Variants in NRG1 observed in about 807,000 individuals in gnomAD.
NRG1 encodes neuregulin 1, also known as pro-neuregulin-1, membrane-bound isoform.
NRG1 carries 18 observed loss-of-function variants against 63.8 expected under a neutral mutation model. The ratio of observed to expected loss-of-function variants is 0.28; its 90% CI spans 0.19 to 0.42. The LOEUF (loss-of-function observed/expected upper bound fraction) is 0.42. Ranked by LOEUF, NRG1 falls within the 10% of genes least tolerant of loss-of-function variation. The pLI, the probability that NRG1 is intolerant of heterozygous loss-of-function variation, is 1.00. For missense variants in NRG1, 762 were observed against 814.7 expected, an observed-to-expected ratio of 0.94 and a Z score of 0.79; for synonymous variants, 302 against 301.3, an observed-to-expected ratio of 1.00 and a Z score of -0.02.
chr8:31,859,986 T>C (rs1323286815), intron 1 of NRG1, among the ~76,000 whole-genome samples: 1 of 152,190 alleles, frequency 6.6e-6, no homozygotes, highest in South Asian at 2.1e-4. Context: ...AAACCATGCC[T>C]AGGAAAACAA....
At chr8:31,922,637 A>G (rs904935238) in intron 1 of NRG1, among the ~76,000 whole-genome samples, 1 of 152,188 alleles carries the variant, frequency 6.6e-6, no homozygotes, top group African/African-American at 2.4e-5. Flanking sequence ...AAAGAGGAAA[A>G]TGAGAGTCTG....
exon 12 of NRG1, chr8:32,763,896 G>A (rs1336971623): frequency 1.9e-6 from 3 of 1,613,944 alleles, no homozygotes; most frequent in Non-Finnish European, 2.5e-6. Context: ...CCCCTTCATG[G>A]AAGAAGAGAG....
At chr8:31,660,449 C>T (rs1805873560) in intron 1 of NRG1, among the ~76,000 whole-genome samples, 1 of 152,152 alleles carries the variant, frequency 6.6e-6, no homozygotes. Flanking sequence ...TTTTGTTTGC[C>T]GAGTATGTTA....
intron 5 of NRG1, among the ~76,000 whole-genome samples, chr8:32,617,342 A>G (rs1297971782): frequency 6.6e-6 from 1 of 152,250 alleles, no homozygotes; most frequent in South Asian, 2.1e-4. Context: ...CTATATATAG[A>G]TGCCCTTAAT....
At chr8:32,580,544 G>A (rs1840451778) in intron 1 of NRG1, among the ~76,000 whole-genome samples, 2 of 152,106 alleles carry the variant, frequency 1.3e-5, no homozygotes, top group South Asian at 4.1e-4. Flanking sequence ...CATTTTAGTA[G>A]CCCTATGAGA....
At chr8:32,447,231 G>C (rs1820378025) in intron 1 of NRG1, among the ~76,000 whole-genome samples, 1 of 151,562 alleles carries the variant, frequency 6.6e-6, no homozygotes, top group Admixed American at 6.6e-5. Context: ...CACTATGTTG[G>C]CCAGGCTGGT....
At chr8:31,775,576 T>G (rs1218774273) in intron 1 of NRG1, among the ~76,000 whole-genome samples, 1 of 152,058 alleles carries the variant, frequency 6.6e-6, no homozygotes, top group Non-Finnish European at 1.5e-5. Context: ...TACTTGTACC[T>G]CTTAAATATA....
At chr8:32,375,336 A>G (rs544744286) in intron 1 of NRG1, among the ~76,000 whole-genome samples, 44 of 152,306 alleles carry the variant, frequency 2.9e-4, no homozygotes, top group Non-Finnish European at 5.6e-4. Context: ...AAATAAGTTT[A>G]AGAGATAAGT....
At chr8:32,192,405 G>A (rs927359777) in intron 1 of NRG1, among the ~76,000 whole-genome samples, 8 of 152,090 alleles carry the variant, frequency 5.3e-5, no homozygotes, top group South Asian at 2.1e-4. Flanking sequence ...ATACTACGCA[G>A]CCATACAAAA....
intron 1 of NRG1, among the ~76,000 whole-genome samples, chr8:31,930,276 T>G (rs1484361527): frequency 2.0e-5 from 3 of 152,200 alleles, no homozygotes; most frequent in Non-Finnish European, 4.4e-5. Context: ...AAATGTATTA[T>G]CTATTGAAAA....
chr8:32,284,473 GCCTC>G (rs1276944654), intron 1 of NRG1, among the ~76,000 whole-genome samples: 15 of 139,126 alleles, frequency 1.1e-4, no homozygotes, highest in African/African-American at 3.7e-4. Flanking sequence ...AATAATGCTT[GCCTC>G]CCTGCCTGCC....
At chr8:32,472,912 A>G (rs1002877795) in intron 1 of NRG1, among the ~76,000 whole-genome samples, 13 of 152,216 alleles carry the variant, frequency 8.5e-5, no homozygotes, top group African/African-American at 2.9e-4. Context: ...GAATTCTGTT[A>G]CTGTCAAATT....
At chr8:31,858,546 A>G (rs1367214040) in intron 1 of NRG1, among the ~76,000 whole-genome samples, 1 of 152,200 alleles carries the variant, frequency 6.6e-6, no homozygotes, top group Non-Finnish European at 1.5e-5. Context: ...ACAACTGGTG[A>G]TGACCAGCTC....
intron 1 of NRG1, among the ~76,000 whole-genome samples, chr8:32,007,550 T>A (rs999856480): frequency 3.3e-5 from 5 of 152,060 alleles, no homozygotes; most frequent in Non-Finnish European, 5.9e-5. Context: ...CCAAGGTTAC[T>A]CTTTGCAATT....
At chr8:31,691,986 C>T (rs1809577644) in intron 1 of NRG1, among the ~76,000 whole-genome samples, 1 of 152,100 alleles carries the variant, frequency 6.6e-6, no homozygotes, top group African/African-American at 2.4e-5. Flanking sequence ...GGGCACACTA[C>T]CACACTCAGC....
intron 1 of NRG1, among the ~76,000 whole-genome samples, chr8:32,352,209 T>C (rs538430927): frequency 4.0e-5 from 6 of 150,736 alleles, no homozygotes; most frequent in Admixed American, 2.0e-4. Flanking sequence ...CTGGCCTTAC[T>C]GAAGTAGAGG....
intron 1 of NRG1, among the ~76,000 whole-genome samples, chr8:32,106,050 A>T (rs1200379347): frequency 6.6e-6 from 1 of 152,214 alleles, no homozygotes; most frequent in African/African-American, 2.4e-5. Context: ...ATACAGAATT[A>T]TATGAAGAAA....
chr8:32,378,908 T>C (rs1404769720), intron 1 of NRG1, among the ~76,000 whole-genome samples: 1 of 152,038 alleles, frequency 6.6e-6, no homozygotes, highest in Non-Finnish European at 1.5e-5. Flanking sequence ...CTGAGAATGA[T>C]GGTTTCCAGT....
chr8:31,742,601 C>T (rs970828377), intron 1 of NRG1, among the ~76,000 whole-genome samples: 1 of 150,954 alleles, frequency 6.6e-6, no homozygotes, highest in African/African-American at 2.4e-5. Flanking sequence ...TAAATTTATG[C>T]TAGCTGCAAT....
Sources: allele counts gnomAD v4.1 joint callset (sites outside exome capture counted in the v4.1 genomes callset), GRCh38; gene constraint gnomAD v4.1.1; transcripts MANE v1.5; gene names NCBI Gene and HGNC (gene_info 2026-07-23, HGNC 2026-07-21).